Variants in NOX4 observed in about 807,000 individuals in gnomAD.
NOX4 encodes kidney oxidase-1.
Under a neutral mutation model 87.6 loss-of-function variants are expected in NOX4, and 69 were observed. The observed-to-expected ratio is 0.79, with a 90% CI of 0.65 to 0.96. The LOEUF (loss-of-function observed/expected upper bound fraction) is 0.96. Ranked by LOEUF, NOX4 falls within the 40% of genes least tolerant of loss-of-function variation. NOX4 has a pLI of 0.00. For synonymous variants in NOX4, 275 were observed against 238.2 expected (o/e 1.15, Z -1.42); for missense variants, 680 against 681.5 (o/e 1.00, Z 0.02).
the NOX4 span, among the ~76,000 whole-genome samples, chr11:89,539,418 C>T: frequency 6.6e-6 from 1 of 151,758 alleles, no homozygotes; most frequent in African/African-American, 2.4e-5. Flanking sequence ...GGCAACAGAG[C>T]AAGACTCTGT....
intron 14 of NOX4, among the ~76,000 whole-genome samples, chr11:89,341,853 G>A (rs1250346062): frequency 6.6e-6 from 1 of 152,164 alleles, no homozygotes; most frequent in Non-Finnish European, 1.5e-5. Flanking sequence ...ACAGAGGAGT[G>A]CATAACTGTG....
chr11:89,567,259 G>A, the NOX4 span, among the ~76,000 whole-genome samples: 2 of 152,146 alleles, frequency 1.3e-5, no homozygotes, highest in Non-Finnish European at 2.9e-5. Flanking sequence ...ACTTGGTGTG[G>A]ACTCTACCTA....
chr11:89,459,909 T>C (rs1327395464), intron 2 of NOX4, among the ~76,000 whole-genome samples: 3 of 152,158 alleles, frequency 2.0e-5, no homozygotes, highest in Admixed American at 2.0e-4. Flanking sequence ...GACTTCAAAC[T>C]ATACTACAAG....
chr11:89,418,340 G>C (rs1358304624), intron 8 of NOX4, among the ~76,000 whole-genome samples: 1 of 150,958 alleles, frequency 6.6e-6, no homozygotes, highest in Non-Finnish European at 1.5e-5. Flanking sequence ...TGATACCTGG[G>C]TTCAAACTGG....
At chr11:89,370,907 A>C (rs1939388194) in intron 12 of NOX4, among the ~76,000 whole-genome samples, 1 of 152,092 alleles carries the variant, frequency 6.6e-6, no homozygotes, top group Admixed American at 6.6e-5. Context: ...TTCTGGAGCT[A>C]TTTTAAACCT....
intron 6 of NOX4, among the ~76,000 whole-genome samples, chr11:89,435,544 A>G (rs1189371138): frequency 1.3e-5 from 2 of 152,138 alleles, no homozygotes; most frequent in Non-Finnish European, 2.9e-5. Context: ...AATGTATAAA[A>G]GTCTCTGAGA....
chr11:89,561,957 TGAGGAAA>T, the NOX4 span, among the ~76,000 whole-genome samples: 3 of 152,144 alleles, frequency 2.0e-5, no homozygotes, highest in East Asian at 5.8e-4. Flanking sequence ...TGTAGATGTT[TGAGGAAA>T]GTACATCCCA....
At chr11:89,373,733 C>T (rs958626893) in intron 11 of NOX4, among the ~76,000 whole-genome samples, 1 of 151,922 alleles carries the variant, frequency 6.6e-6, no homozygotes. Flanking sequence ...AAATTACACA[C>T]GTTAAAATTG....
rs145068192 is a variant in NOX4, at chr11:89,383,742, G to T, written c.1075-10250C>A. On this transcript the variant is annotated intron_variant, in intron 11 of 17. Transcript: ENST00000263317. ...CCCACCTGCCCAGCTCCCTTATTAGGATGAGACATTTTTACTAAATTATCT... is the reference window on the plus strand; with the variant it reads ...CCCACCTGCCCAGCTCCCTTATTAGTATGAGACATTTTTACTAAATTATCT... Among the ~76,000 whole-genome samples the T allele has an allele frequency of 7.8e-3, 1,187 of 152,140 alleles. 22 individuals are homozygous for T. Among genetic ancestry groups the T allele is most frequent in the African/African-American group, 0.027 (1,129 of 41,484 alleles).
chr11:89,334,769 C>T (rs12803069), intron 17 of NOX4, among the ~76,000 whole-genome samples: 1 of 151,478 alleles, frequency 6.6e-6, no homozygotes, highest in Non-Finnish European at 1.5e-5. Flanking sequence ...TGATTACAGG[C>T]AATTTTAAAA....
chr11:89,378,262 C>T (rs317175), intron 11 of NOX4, among the ~76,000 whole-genome samples: 85,570 of 152,008 alleles, frequency 0.56, 25,839 homozygotes, highest in African/African-American at 0.77. Context: ...ACTTATCAAC[C>T]AATACATTTT....
chr11:89,390,562 T>C (rs1382782328), intron 11 of NOX4, among the ~76,000 whole-genome samples: 1 of 152,170 alleles, frequency 6.6e-6, no homozygotes, highest in Non-Finnish European at 1.5e-5. Context: ...TATGAATGAA[T>C]GTGAATGCAA....
intron 6 of NOX4, among the ~76,000 whole-genome samples, chr11:89,435,404 G>GA (rs1944032686): frequency 6.6e-6 from 1 of 151,940 alleles, no homozygotes; most frequent in Admixed American, 6.6e-5. Flanking sequence ...AGAACACCTG[G>GA]AAAAATGGAG....
chr11:89,543,429 G>A, the NOX4 span, among the ~76,000 whole-genome samples: 1 of 152,056 alleles, frequency 6.6e-6, no homozygotes, highest in African/African-American at 2.4e-5. Context: ...ATATTTATCA[G>A]TTTTTCATTT....
the NOX4 span, among the ~76,000 whole-genome samples, chr11:89,571,717 C>A: frequency 6.6e-6 from 1 of 150,382 alleles, no homozygotes; most frequent in Non-Finnish European, 1.5e-5. Flanking sequence ...AACCTCAGGA[C>A]CCCCAAATTA....
At chr11:89,408,975 C>G (rs557528263) in intron 8 of NOX4, among the ~76,000 whole-genome samples, 1 of 152,178 alleles carries the variant, frequency 6.6e-6, no homozygotes, top group Non-Finnish European at 1.5e-5. Context: ...TTTACAACTT[C>G]CTTGAGTACC....
Position 89,491,347 on chromosome 11 carries a change from G to C in NOX4, c.-101C>G. Reference sequence around the variant, plus strand: ...CAGTTGTGCGGCCTGCCGGGCCGCTGAGCGAGGACCGAGGGTCAAAGACTG... The same window carrying C: ...CAGTTGTGCGGCCTGCCGGGCCGCTCAGCGAGGACCGAGGGTCAAAGACTG... On this transcript the variant is annotated 5_prime_UTR_variant, in exon 1 of 18. Coordinates refer to ENST00000263317, the MANE Select transcript of NOX4 (RefSeq NM_016931.5). 1 of 1,111,268 alleles carries C rather than the reference G, an allele frequency of 9.0e-7. No homozygotes were observed. The highest frequency in any genetic ancestry group is 1.3e-6 in the Non-Finnish European group (1 of 787,896). The allele number at this position is 1,111,268 out of a possible 1,614,324, so 68.8% of individuals were successfully genotyped here. A position where few individuals can be genotyped will look rare whatever the true frequency, so the allele number is the denominator to read the frequency against.
intron 13 of NOX4, among the ~76,000 whole-genome samples, chr11:89,348,480 G>A (rs1946313292): frequency 6.6e-6 from 1 of 151,524 alleles, no homozygotes; most frequent in African/African-American, 2.4e-5. Flanking sequence ...TGCCAGGCCT[G>A]GTGGCACACA....
chr11:89,457,850 G>C (rs886288540), intron 2 of NOX4, among the ~76,000 whole-genome samples: 1 of 151,850 alleles, frequency 6.6e-6, no homozygotes, highest in African/African-American at 2.4e-5. Context: ...CAAATAACCA[G>C]GTAAATAAAA....
Sources: gnomAD v4.1 joint callset for allele counts (sites outside exome capture counted in the v4.1 genomes callset) on GRCh38, gnomAD v4.1.1 for gene constraint, MANE v1.5 for transcripts, NCBI Gene and HGNC (gene_info 2026-07-23, HGNC 2026-07-21) for gene names.